The following SPATS2L variants were observed in gnomAD, a reference collection of about 807,000 sequenced individuals.
SPATS2L encodes spermatogenesis associated serine rich 2 like.
Under a neutral mutation model 59.6 loss-of-function variants are expected in SPATS2L, and 30 were observed. The observed-to-expected ratio is 0.50, with a 90% CI of 0.38 to 0.68. The LOEUF (loss-of-function observed/expected upper bound fraction) is 0.68. Among genes scored for constraint, SPATS2L ranks in the 30% least tolerant of loss-of-function variants. The pLI is 0.00. For missense variants in SPATS2L, 615 were observed against 700.0 expected, an observed-to-expected ratio of 0.88 and a Z score of 1.37; for synonymous variants, 252 against 263.5, an observed-to-expected ratio of 0.96 and a Z score of 0.42.
At chr2:200,452,166 A>G (rs2085504784) in intron 8 of SPATS2L, among the ~76,000 whole-genome samples, 1 of 152,222 alleles carries the variant, frequency 6.6e-6, no homozygotes, top group South Asian at 2.1e-4. Context: ...AATACAGTCA[A>G]GTTACTTTCC....
rs114938152 is a variant in SPATS2L at position 200,367,899 on chromosome 2, G to T, written c.-22-21324G>T. 3.3e-3 allele frequency among the ~76,000 whole-genome samples: 506 copies of T among 152,300 alleles called. 5 individuals are homozygous for T. The highest frequency in any genetic ancestry group is 0.012 in the African/African-American group (485 of 41,558). ...ATAAGAGTTGTAGTTTATAAACAATGTAGTATTTTGTCTCATGGTTCTGAT... is the reference window on the plus strand; with the variant it reads ...ATAAGAGTTGTAGTTTATAAACAATTTAGTATTTTGTCTCATGGTTCTGAT... On this transcript the variant is annotated intron_variant, in intron 2 of 12. Transcript: ENST00000409140.
intron 1 of SPATS2L, among the ~76,000 whole-genome samples, chr2:200,310,230 T>C (rs1284913912): frequency 2.0e-5 from 3 of 152,222 alleles, no homozygotes; most frequent in Non-Finnish European, 2.9e-5. Context: ...CTTCTTCCTT[T>C]TATGATGAAA....
intron 1 of SPATS2L, among the ~76,000 whole-genome samples, chr2:200,327,326 C>T (rs2079785326): frequency 6.6e-6 from 1 of 151,998 alleles, no homozygotes; most frequent in Non-Finnish European, 1.5e-5. Context: ...ATCACTTGAA[C>T]CTGGGAGGCG....
At position 200,396,011 on chromosome 2, in the gene SPATS2L, G is replaced by GAAA. The variant is rs1218853084; in HGVS notation, c.39+6749_39+6751dup. ...GGGCAAAAGAGTGAGACTCGATCTG[G>GAAA]AAAAAAAAAAAAAAAAAAAAAAATA... is the stretch of plus-strand genomic sequence containing the variant. On this transcript the variant is annotated intron_variant, in intron 3 of 12. Transcript: ENST00000409140. Among the ~76,000 whole-genome samples the GAAA allele has an allele frequency of 2.7e-3, 29 of 10,594 alleles. 3 individuals are homozygous for GAAA. The highest frequency in any genetic ancestry group is 7.4e-3 in the African/African-American group (11 of 1,488). The allele number at this position is 10,594 out of a possible 152,430, so 7.0% of individuals were successfully genotyped here.
chr2:200,393,563 A>C (rs1270149062), intron 3 of SPATS2L, among the ~76,000 whole-genome samples: 2 of 152,252 alleles, frequency 1.3e-5, no homozygotes, highest in Non-Finnish European at 2.9e-5. Flanking sequence ...TAACTTATTT[A>C]GTGAATTCCA....
chr2:200,308,012 C>T (rs1159848834), intron 1 of SPATS2L, among the ~76,000 whole-genome samples: 3 of 152,092 alleles, frequency 2.0e-5, no homozygotes, highest in Non-Finnish European at 4.4e-5. Flanking sequence ...CCTCACAAGC[C>T]GACAGACTTT....
At chr2:200,387,959 A>G (rs1292601539) in intron 2 of SPATS2L, among the ~76,000 whole-genome samples, 1 of 152,178 alleles carries the variant, frequency 6.6e-6, no homozygotes, top group Non-Finnish European at 1.5e-5. Context: ...TGATTTTGGG[A>G]ACACAGATCT....
intron 2 of SPATS2L, among the ~76,000 whole-genome samples, chr2:200,346,536 A>G (rs2080518548): frequency 6.6e-6 from 1 of 152,224 alleles, no homozygotes; most frequent in South Asian, 2.1e-4. Flanking sequence ...TCTTGGTCCA[A>G]TAAACTATTG....
chr2:200,372,950 G>C (rs1377710242), intron 2 of SPATS2L, among the ~76,000 whole-genome samples: 1 of 152,314 alleles, frequency 6.6e-6, no homozygotes, highest in South Asian at 2.1e-4. Flanking sequence ...ACCTGGCACA[G>C]AGCAGGTGCC....
intron 2 of SPATS2L, among the ~76,000 whole-genome samples, chr2:200,345,322 T>G (rs1056661937): frequency 1.3e-5 from 2 of 152,144 alleles, no homozygotes; most frequent in Admixed American, 1.3e-4. Flanking sequence ...AAGGTTATTT[T>G]AATTGAGAAA....
At chr2:200,397,837 A>T (rs1306657253) in intron 3 of SPATS2L, among the ~76,000 whole-genome samples, 1 of 152,114 alleles carries the variant, frequency 6.6e-6, no homozygotes, top group Non-Finnish European at 1.5e-5. Flanking sequence ...AATTAGAAAA[A>T]AAAACCCACA....
At chr2:200,435,712 T>C (rs568817673) in intron 6 of SPATS2L, among the ~76,000 whole-genome samples, 14 of 152,296 alleles carry the variant, frequency 9.2e-5, no homozygotes, top group Admixed American at 4.6e-4. Flanking sequence ...AATACCCTTT[T>C]CTAGAATATA....
At position 200,478,111 on chromosome 2, in the gene SPATS2L, G is replaced by T; in HGVS notation, c.*80G>T. 1 of 1,348,606 alleles carries T rather than the reference G, an allele frequency of 7.4e-7. No homozygotes were observed. 83.5% of individuals were successfully genotyped at this position (1,348,606 alleles called of 1,614,324 possible). ...TGACCCAATTCGCTGCCAAAAGAGT[G>T]TCAATCAGAATATACAAATCCCGTA... On this transcript the variant is annotated 3_prime_UTR_variant, in exon 13 of 13. Transcript: ENST00000409140.
intron 6 of SPATS2L, among the ~76,000 whole-genome samples, chr2:200,428,612 C>T (rs2083725799): frequency 6.6e-6 from 1 of 152,210 alleles, no homozygotes; most frequent in Admixed American, 6.5e-5. Context: ...TCTGGCTACA[C>T]TCTGAACTCC....
intron 2 of SPATS2L, among the ~76,000 whole-genome samples, chr2:200,367,848 G>A (rs1329828781): frequency 6.6e-6 from 1 of 152,186 alleles, no homozygotes; most frequent in Non-Finnish European, 1.5e-5. Flanking sequence ...TTCAGATTCA[G>A]ATAAATGGTT....
chr2:200,389,564 A>G, intron 3 of SPATS2L: 1 of 323,204 alleles, frequency 3.1e-6, no homozygotes, highest in Non-Finnish European at 5.7e-6. Context: ...ATTGAGAAAC[A>G]GAGAAGTAAT....
At chr2:200,328,791 C>G (rs1447564442) in intron 1 of SPATS2L, among the ~76,000 whole-genome samples, 1 of 152,230 alleles carries the variant, frequency 6.6e-6, no homozygotes. Context: ...TGGCACCCAT[C>G]TTTCCACCTA....
intron 1 of SPATS2L, among the ~76,000 whole-genome samples, chr2:200,318,708 T>C (rs995203128): frequency 6.6e-6 from 1 of 152,214 alleles, no homozygotes; most frequent in African/African-American, 2.4e-5. Flanking sequence ...CTTACATGTG[T>C]GTACTAGGAG....
At chr2:200,421,732 A>G (rs934574453) in intron 6 of SPATS2L, among the ~76,000 whole-genome samples, 5 of 152,190 alleles carry the variant, frequency 3.3e-5, no homozygotes, top group Non-Finnish European at 5.9e-5. Flanking sequence ...TTTTAATTCA[A>G]TTTTCACTGT....
Sources: gnomAD v4.1 joint callset for allele counts (sites outside exome capture counted in the v4.1 genomes callset) on GRCh38, gnomAD v4.1.1 for gene constraint, MANE v1.5 for transcripts, NCBI Gene and HGNC (gene_info 2026-07-23, HGNC 2026-07-21) for gene names.